KCTD4: variants seen among roughly 807,000 people sequenced by gnomAD.
KCTD4 encodes BTB/POZ domain-containing protein KCTD4.
KCTD4 carries 12 observed loss-of-function variants against 18.3 expected under a neutral mutation model. The observed-to-expected ratio is 0.66, with a 90% CI of 0.42 to 1.06. The LOEUF (loss-of-function observed/expected upper bound fraction) is 1.06, where lower values mean the gene tolerates loss of function less well. Among genes scored for constraint, KCTD4 ranks in the 50% least tolerant of loss-of-function variants. The probability of loss-of-function intolerance (pLI) is 0.00; values close to 1 mark genes in which losing one functional copy is unlikely to be tolerated. For missense variants in KCTD4, 250 were observed against 303.4 expected (o/e 0.82, Z 1.31); for synonymous variants, 124 against 110.5 (o/e 1.12, Z -0.76).
chr13:45,198,426 C>T (rs1170208428), intron 1 of KCTD4, among the ~76,000 whole-genome samples: 1 of 152,178 alleles, frequency 6.6e-6, no homozygotes, highest in African/African-American at 2.4e-5. Context: ...GATAATTCTC[C>T]TAGACTTAAC....
At chr13:45,195,843 A>G (rs1390422197) in intron 1 of KCTD4, among the ~76,000 whole-genome samples, 1 of 152,150 alleles carries the variant, frequency 6.6e-6, no homozygotes, top group East Asian at 1.9e-4. Context: ...TTTTGTAGAG[A>G]CAAGTTTTTG....
rs774751523 is a variant in KCTD4, at chr13:45,194,288, G to T, written c.280C>A (p.Arg94=). The T allele has an allele frequency of 1.2e-6, 2 of 1,613,984 alleles. No homozygotes were observed. The highest frequency in any genetic ancestry group is 2.7e-5 in the African/African-American group (2 of 74,910). ...TCGGGCAATAGAAGTTCTCCATTTC[G>T]TAGGAAGTTTAGGACATGCCTGAAG... ...LLFRHVLNFL[R]NGELLLPEGF... is the part of the protein sequence containing the mutation. Residue 94 remains arginine, a synonymous_variant, in exon 2 of 2, where the codon CGA becomes AGA. Transcript: ENST00000379108.
rs748525948 is a variant in KCTD4, at chr13:45,194,384, T to A, written c.184A>T (p.Ile62Leu). ...TKYPDTFLEG[I>L]VNGKILCPFD... is the part of the protein sequence containing the mutation. The stretch of plus-strand genomic sequence containing the variant: ...GGGCAGAGGATTTTTCCATTTACTA[T>A]ACCTTCAAGGAAAGTGTCTGGGTAC... The change falls in exon 2 of 2, where the codon ATA (isoleucine) becomes TTA (leucine). Residue 62 changes from isoleucine to leucine, a missense_variant. Physicochemically the swap from Ile to Leu is conservative, Grantham distance 5 (BLOSUM62 2). Transcript: ENST00000379108. 1 of 1,614,176 alleles carries A rather than the reference T, an allele frequency of 6.2e-7. No homozygotes were observed. The highest frequency in any genetic ancestry group is 1.1e-5 in the South Asian group (1 of 91,076).
At chr13:45,199,144 A>G (rs1305542500) in intron 1 of KCTD4, among the ~76,000 whole-genome samples, 1 of 152,258 alleles carries the variant, frequency 6.6e-6, no homozygotes, top group Non-Finnish European at 1.5e-5. Flanking sequence ...ACCTCTGGCC[A>G]CAAGGTCGTG....
intron 1 of KCTD4, among the ~76,000 whole-genome samples, chr13:45,197,355 AAAATT>A (rs1219273492): frequency 6.6e-6 from 1 of 151,362 alleles, no homozygotes; most frequent in Non-Finnish European, 1.5e-5. Context: ...AAAAAAAAAA[AAAATT>A]AGCTGGGGTG....
At chr13:45,198,735 G>T (rs1873029568) in intron 1 of KCTD4, among the ~76,000 whole-genome samples, 1 of 150,736 alleles carries the variant, frequency 6.6e-6, no homozygotes, top group Admixed American at 6.6e-5. Context: ...TCTGTGTTTT[G>T]ACCTTCCTCT....
chr13:45,200,971 G>A lies in KCTD4; in HGVS notation c.-335C>T, dbSNP rs575148832. Among the ~76,000 whole-genome samples the A allele has an allele frequency of 6.6e-6, 1 of 152,280 alleles. No individual in the cohort carries two copies. Among genetic ancestry groups the A allele is most frequent in the South Asian group, 2.1e-4 (1 of 4,826 alleles). On this transcript the variant is annotated 5_prime_UTR_variant, in exon 1 of 2. Coordinates refer to ENST00000379108, the MANE Select transcript of KCTD4 (RefSeq NM_198404.3). ...GTTGGTCAGTAGTCCTCTGGTCTGG[G>A]TTTTTACAGGAGCTGGAAGTTCTCT...
intron 1 of KCTD4, among the ~76,000 whole-genome samples, chr13:45,198,939 T>C (rs532244319): frequency 6.6e-6 from 1 of 152,336 alleles, no homozygotes; most frequent in African/African-American, 2.4e-5. Context: ...GATTTTCCCA[T>C]GTTAATGTAA....
At chr13:45,196,055 C>T (rs1173421176) in intron 1 of KCTD4, among the ~76,000 whole-genome samples, 1 of 152,122 alleles carries the variant, frequency 6.6e-6, no homozygotes, top group Non-Finnish European at 1.5e-5. Context: ...GGAAGAGATT[C>T]TTCTAAAATG....
In KCTD4 at chr13:45,194,543, C is replaced by G; in HGVS notation, c.25G>C (p.Glu9Gln). MERKINRR[E>Q]KEKEYEGKHN... ...TTCCCTTCATACTCCTTTTCTTTTTCTCTTCTGTTTATTTTACGCTCCATT... is the reference window on the plus strand; with the variant it reads ...TTCCCTTCATACTCCTTTTCTTTTTGTCTTCTGTTTATTTTACGCTCCATT... The change falls in exon 2 of 2, where the codon GAA becomes CAA. Residue 9 changes from glutamate to glutamine, a missense_variant. By Grantham distance (29) the Glu-to-Gln change is conservative. Transcript: ENST00000379108. The G allele has an allele frequency of 6.2e-7, 1 of 1,612,374 alleles. No individual in the cohort carries two copies. The highest frequency in any genetic ancestry group is 8.5e-7 in the Non-Finnish European group (1 of 1,179,392).
At position 45,194,258 on chromosome 13, in the gene KCTD4, AC is replaced by A; in HGVS notation, c.309del (p.Arg105GlufsTer22). On this transcript the variant is annotated frameshift_variant, in exon 2 of 2. Coordinates refer to ENST00000379108, the MANE Select transcript of KCTD4 (RefSeq NM_198404.3). LOFTEE classifies it high-confidence loss of function. ...LRNGELLLPEGFRENQLLAQE... is the reference protein window; with the variant it reads ...LRNGELLLPEXFRENQLLAQE... ...TGTGCAAGAAGTTGATTTTCTCGAA[AC>A]CCTTCGGGCAATAGAAGTTCTCCAT... 1 of 1,614,030 alleles carries A rather than the reference AC, an allele frequency of 6.2e-7. No individual in the cohort carries two copies. The highest frequency in any genetic ancestry group is 8.5e-7 in the Non-Finnish European group (1 of 1,180,004).
At position 45,193,764 on chromosome 13, in the gene KCTD4, T is replaced by C. The variant is rs1593482891; in HGVS notation, c.*24A>G. On this transcript the variant is annotated 3_prime_UTR_variant, in exon 2 of 2. Transcript: ENST00000379108. ...CGAAGCTTGCTGGCTGCATGCTTGT[T>C]GCCTTTGTTCGTGACACAGGTAATT... 6.5e-7 allele frequency: 1 copy of C among 1,547,174 alleles called. No individual in the cohort carries two copies. Among genetic ancestry groups the C allele is most frequent in the African/African-American group, 1.4e-5 (1 of 72,474 alleles).
rs1421941174 is a variant in KCTD4, at chr13:45,193,488, A to G, written c.*300T>C. 3.7e-6 allele frequency: 1 copy of G among 268,336 alleles called. No homozygotes were observed. 16.6% of individuals were successfully genotyped at this position (268,336 alleles called of 1,614,324 possible). A position where few individuals can be genotyped will look rare whatever the true frequency, so the allele number is the denominator to read the frequency against. On this transcript the variant is annotated 3_prime_UTR_variant, in exon 2 of 2. Coordinates refer to ENST00000379108, the MANE Select transcript of KCTD4 (RefSeq NM_198404.3). ...TCTTTTTTGTGCAAATACCCAAGAC[A>G]ATCTGAATTGAAAGACAGCTTAAGG...
rs1451584077 is a variant in KCTD4 at position 45,194,497 on chromosome 13, G to T, written c.71C>A (p.Thr24Asn). 1.2e-6 allele frequency: 2 copies of T among 1,613,954 alleles called. No homozygotes were observed. Among genetic ancestry groups the T allele is most frequent in the African/African-American group, 2.7e-5 (2 of 74,896 alleles). Residue 24 changes from threonine (T) to asparagine (N), a missense_variant, in exon 2 of 2, where the codon ACT becomes AAT. Coordinates refer to ENST00000379108, the MANE Select transcript of KCTD4 (RefSeq NM_198404.3). ...GGATTTGCAGTTCTTTCCTTGATCA[G>T]TATCTTCCAGGCTGTTGTGTTTCCC... is the stretch of plus-strand genomic sequence containing the variant. ...YEGKHNSLEDTDQGKNCKSTL... is the reference protein window; with the variant it reads ...YEGKHNSLEDNDQGKNCKSTL...
rs544354923 is a variant in KCTD4, at chr13:45,197,218, C to T, written c.-187-2464G>A. On this transcript the variant is annotated intron_variant, in intron 1 of 1. Transcript: ENST00000379108. ...AGACTTAAAGAAGAAAAATGTAGGCCGGGCATGTTGGCTTATGCCTGTAAT... is the reference window on the plus strand; with the variant it reads ...AGACTTAAAGAAGAAAAATGTAGGCTGGGCATGTTGGCTTATGCCTGTAAT... Among the ~76,000 whole-genome samples the T allele has an allele frequency of 3.4e-4, 51 of 151,530 alleles. No homozygotes were observed. In the South Asian group the frequency reaches 9.4e-3, roughly 28 times the overall value.
rs779893068 is a variant in KCTD4, at chr13:45,194,092, C to G, written c.476G>C (p.Cys159Ser). The G allele has an allele frequency of 1.9e-6, 3 of 1,614,088 alleles. No individual in the cohort carries two copies. The highest frequency in any genetic ancestry group is 1.1e-5 in the South Asian group (1 of 91,088). Residue 159 changes from cysteine to serine, a missense_variant, in exon 2 of 2, where the codon TGT (cysteine) becomes TCT (serine). Physicochemically the swap from Cys to Ser is moderately radical, Grantham distance 112 (BLOSUM62 -1). Transcript: ENST00000379108. ...TTTTGATATGAAATCAGGAGCATTA[C>G]AGAAGATTCTTAATCCTTGTGAACG... ...HDRSQGLRIF[C>S]NAPDFISKIK... is the part of the protein sequence containing the mutation.
intron 1 of KCTD4, among the ~76,000 whole-genome samples, chr13:45,197,151 A>T (rs1057207434): frequency 1.3e-5 from 2 of 151,794 alleles, no homozygotes; most frequent in Admixed American, 6.6e-5. Flanking sequence ...CCTGGCTTAT[A>T]CAAATCCATA....
At chr13:45,196,955 A>G (rs1012119142) in intron 1 of KCTD4, among the ~76,000 whole-genome samples, 12 of 151,970 alleles carry the variant, frequency 7.9e-5, no homozygotes, top group Admixed American at 3.9e-4. Context: ...AAAACCACTG[A>G]TGAGTGCTCG....
intron 1 of KCTD4, among the ~76,000 whole-genome samples, chr13:45,200,542 C>CCTCA (rs1873128983): frequency 6.6e-6 from 1 of 152,132 alleles, no homozygotes; most frequent in Non-Finnish European, 1.5e-5. Context: ...TATGCTGCTG[C>CCTCA]CTCAGCCTCC....
Sources: allele counts gnomAD v4.1 joint callset (sites outside exome capture counted in the v4.1 genomes callset), GRCh38; gene constraint gnomAD v4.1.1; transcripts MANE v1.5; gene names NCBI Gene and HGNC (gene_info 2026-07-23, HGNC 2026-07-21).